The following DOCK3 variants were observed in gnomAD, a reference collection of about 807,000 sequenced individuals.
DOCK3 encodes dedicator of cytokinesis 3.
DOCK3 carries 60 observed loss-of-function variants against 265.6 expected under a neutral mutation model. The observed-to-expected ratio is 0.23, with a 90% CI of 0.18 to 0.28. The LOEUF (loss-of-function observed/expected upper bound fraction) is 0.28. Among genes scored for constraint, DOCK3 ranks in the 10% least tolerant of loss-of-function variants. The pLI is 1.00. For synonymous variants in DOCK3, 881 were observed against 938.0 expected (o/e 0.94, Z 1.11); for missense variants, 1,981 against 2,594.3 (o/e 0.76, Z 5.14).
At chr3:50,683,994 C>G (rs1289869480) in intron 1 of DOCK3, among the ~76,000 whole-genome samples, 2 of 152,032 alleles carry the variant, frequency 1.3e-5, no homozygotes, top group Non-Finnish European at 2.9e-5. Flanking sequence ...TCTAGATATG[C>G]TGGACAACTC....
intron 5 of DOCK3, among the ~76,000 whole-genome samples, chr3:51,033,684 G>A (rs766078931): frequency 4.6e-5 from 7 of 152,124 alleles, no homozygotes; most frequent in Non-Finnish European, 8.8e-5. Context: ...GATATCGGTG[G>A]TGTTGGCTGT....
rs2086578348 is a variant in DOCK3, at chr3:51,359,398, C to T, written c.4885-1113C>T. On this transcript the variant is annotated intron_variant, in intron 46 of 52. Coordinates refer to ENST00000266037, the MANE Select transcript of DOCK3 (RefSeq NM_004947.5). The surrounding 1 kb of genome is among the most constrained non-coding windows in gnomAD (Gnocchi z 4.8). Reference sequence around the variant, plus strand: ...AAATTTCTCCCTCTGTTAGGATTCTCCCATGGTATTTCAAGGTGAAATATG... The same window carrying T: ...AAATTTCTCCCTCTGTTAGGATTCTTCCATGGTATTTCAAGGTGAAATATG... 6.6e-6 allele frequency among the ~76,000 whole-genome samples: 1 copy of T among 152,214 alleles called. No individual in the cohort carries two copies. Among genetic ancestry groups the T allele is most frequent in the Non-Finnish European group, 1.5e-5 (1 of 68,040 alleles).
intron 23 of DOCK3, among the ~76,000 whole-genome samples, chr3:51,269,623 C>T (rs1379050051): frequency 2.0e-5 from 3 of 152,178 alleles, no homozygotes; most frequent in African/African-American, 7.2e-5. Flanking sequence ...AAACAGCCTT[C>T]CCTCCCCAGC....
At chr3:51,196,739 T>A (rs937502575) in intron 12 of DOCK3, among the ~76,000 whole-genome samples, 1 of 152,232 alleles carries the variant, frequency 6.6e-6, no homozygotes, top group African/African-American at 2.4e-5. Context: ...ATCTGGTGCT[T>A]TAAAAAACTA....
intron 51 of DOCK3, chr3:51,379,324 G>C: frequency 3.2e-6 from 3 of 939,038 alleles, no homozygotes; most frequent in Non-Finnish European, 3.8e-6. Flanking sequence ...TTAGTTCCAG[G>C]TGCTGGCATG....
At chr3:50,875,087 T>C (rs1575418715) in intron 3 of DOCK3, among the ~76,000 whole-genome samples, 2 of 151,970 alleles carry the variant, frequency 1.3e-5, no homozygotes, top group East Asian at 3.9e-4. Context: ...TTAAGACAAA[T>C]ACCTAAAGCA....
chr3:51,232,129 C>A (rs372501282), intron 19 of DOCK3, among the ~76,000 whole-genome samples: 1 of 152,032 alleles, frequency 6.6e-6, no homozygotes, highest in South Asian at 2.1e-4. Context: ...GTTACACTCT[C>A]TTTTTTATGT....
chr3:51,144,712 G>A (rs938006186), intron 9 of DOCK3, among the ~76,000 whole-genome samples: 3 of 152,182 alleles, frequency 2.0e-5, no homozygotes, highest in Non-Finnish European at 1.5e-5. Flanking sequence ...GACCATAGCT[G>A]TATGAGGAAA....
In DOCK3 at chr3:51,214,185, T is replaced by C. The variant is rs535545173; in HGVS notation, c.1190T>C (p.Met397Thr). 7 of 1,613,548 alleles carry C rather than the reference T, an allele frequency of 4.3e-6. No homozygotes were observed. The highest frequency in any genetic ancestry group is 1.3e-5 in the African/African-American group (1 of 75,028). Residue 397 changes from methionine (M) to threonine (T), a missense_variant, in exon 14 of 53, where the codon ATG becomes ACG. By Grantham distance (81) the Met-to-Thr change is moderately conservative (BLOSUM62 -1). Coordinates refer to ENST00000266037, the MANE Select transcript of DOCK3 (RefSeq NM_004947.5). Reference sequence around the variant, plus strand: ...GAACAGATTCGGAGAGAAAATCCCATGATATTTAATAGGGGATTGGCAATT... The same window carrying C: ...GAACAGATTCGGAGAGAAAATCCCACGATATTTAATAGGGGATTGGCAATT... ...DMEQIRRENP[M>T]IFNRGLAITR... is the part of the protein sequence containing the mutation.
chr3:50,955,634 A>G (rs2076710165), intron 5 of DOCK3, among the ~76,000 whole-genome samples: 1 of 152,124 alleles, frequency 6.6e-6, no homozygotes, highest in Non-Finnish European at 1.5e-5. Context: ...GCTAAATGAT[A>G]ACACATGGAC....
At chr3:51,087,571 C>G (rs1312060787) in intron 7 of DOCK3, among the ~76,000 whole-genome samples, 4 of 152,106 alleles carry the variant, frequency 2.6e-5, no homozygotes, top group Non-Finnish European at 5.9e-5. Context: ...AAGACTGGAA[C>G]AAGACAAAGA....
At chr3:51,366,866 A>G (rs1297966481) in intron 49 of DOCK3, among the ~76,000 whole-genome samples, 2 of 152,156 alleles carry the variant, frequency 1.3e-5, no homozygotes, top group Admixed American at 6.5e-5. Context: ...GTTTGTTATA[A>G]TTTCTTTTCT....
chr3:50,694,719 G>A (rs2035495851), intron 1 of DOCK3, among the ~76,000 whole-genome samples: 1 of 152,218 alleles, frequency 6.6e-6, no homozygotes, highest in South Asian at 2.1e-4. Context: ...GCTGAGGTAT[G>A]AGAATCACTT....
chr3:50,956,119 A>C (rs1420419236), intron 5 of DOCK3, among the ~76,000 whole-genome samples: 2 of 150,808 alleles, frequency 1.3e-5, no homozygotes, highest in African/African-American at 4.9e-5. Flanking sequence ...ATTTGCATTT[A>C]GTTCAGAATT....
At chr3:50,803,979 C>A (rs1433872001) in intron 2 of DOCK3, among the ~76,000 whole-genome samples, 1 of 151,644 alleles carries the variant, frequency 6.6e-6, no homozygotes, top group Non-Finnish European at 1.5e-5. Flanking sequence ...CCTCACTTCT[C>A]AGACAGGGCG....
intron 2 of DOCK3, among the ~76,000 whole-genome samples, chr3:50,796,274 GC>G (rs986054357): frequency 1.3e-5 from 2 of 151,450 alleles, no homozygotes; most frequent in Non-Finnish European, 2.9e-5. Context: ...CTCGTGATCC[GC>G]CCCCCTCGGC....
chr3:50,749,635 C>G (rs1293554050), intron 1 of DOCK3, among the ~76,000 whole-genome samples: 1 of 152,020 alleles, frequency 6.6e-6, no homozygotes, highest in African/African-American at 2.4e-5. Context: ...TTAAGCATGT[C>G]TCACAGAAAA....
intron 27 of DOCK3, among the ~76,000 whole-genome samples, chr3:51,281,762 G>A (rs1339210499): frequency 6.6e-6 from 1 of 152,134 alleles, no homozygotes; most frequent in Non-Finnish European, 1.5e-5. Flanking sequence ...TCTCTAGCAG[G>A]CTTCCCTGTA....
intron 1 of DOCK3, chr3:50,719,527 G>T (rs2108003272): frequency 1.8e-6 from 2 of 1,097,830 alleles, no homozygotes; most frequent in Middle Eastern, 2.7e-4. Context: ...CACTGGTCTT[G>T]CCGTTTCTGG....
Sources: allele counts gnomAD v4.1 joint callset (sites outside exome capture counted in the v4.1 genomes callset), GRCh38; gene constraint gnomAD v4.1.1; non-coding constraint Gnocchi (gnomAD v3.1); transcripts MANE v1.5; gene names NCBI Gene and HGNC (gene_info 2026-07-23, HGNC 2026-07-21).